The following SCN8A variants were observed in gnomAD, a reference collection of about 807,000 sequenced individuals.
SCN8A encodes sodium channel protein type 8 subunit alpha.
A neutral mutation model predicts 184.1 loss-of-function variants in SCN8A; 30 were observed. The observed-to-expected ratio is 0.16, with a 90% confidence interval of 0.12 to 0.22. The LOEUF (loss-of-function observed/expected upper bound fraction) is 0.22, where lower values mean the gene tolerates loss of function less well. Ranked by LOEUF, SCN8A falls within the 10% of genes least tolerant of loss-of-function variation. The pLI, the probability that SCN8A is intolerant of heterozygous loss-of-function variation, is 1.00. For missense variants in SCN8A, 1,057 were observed against 2,498.9 expected (o/e 0.42, Z 12.30); for synonymous variants, 852 against 907.0 (o/e 0.94, Z 1.09).
chr12:51,661,145 T>G (rs1057162346), intron 1 of SCN8A, among the ~76,000 whole-genome samples: 3 of 152,192 alleles, frequency 2.0e-5, no homozygotes, highest in Admixed American at 6.5e-5. Context: ...ATCCTGGCCC[T>G]GTGACTCAGG....
At chr12:51,690,765 T>C (rs1396975352) in intron 6 of SCN8A, among the ~76,000 whole-genome samples, 1 of 152,224 alleles carries the variant, frequency 6.6e-6, no homozygotes, top group Non-Finnish European at 1.5e-5. Context: ...TGTGGTTTAC[T>C]GAGAACCTCA....
At position 51,790,439 on chromosome 12, in the gene SCN8A, G is replaced by A; in HGVS notation, c.4461G>A (p.Lys1487=). The A allele has an allele frequency of 6.2e-7, 1 of 1,610,210 alleles. No homozygotes were observed. The highest frequency in any genetic ancestry group is 8.5e-7 in the Non-Finnish European group (1 of 1,178,594). The stretch of plus-strand genomic sequence containing the variant: ...TCTTCATGACCGAAGAACAGAAGAA[G>A]TACTACAATGCCATGAAAAAGCTGG... The part of the protein sequence containing the change: ...QDIFMTEEQK[K]YYNAMKKLGS... The change falls in exon 25 of 27, where the codon AAG becomes AAA. Residue 1487 remains lysine (K), a synonymous_variant. Transcript: ENST00000627620.
chr12:51,707,175 T>C (rs1941799118), intron 11 of SCN8A, among the ~76,000 whole-genome samples: 1 of 152,274 alleles, frequency 6.6e-6, no homozygotes, highest in Middle Eastern at 3.4e-3. Flanking sequence ...ACAATAAACA[T>C]GGGAGTGCAA....
At chr12:51,704,362 G>T (rs562585324) in intron 9 of SCN8A, among the ~76,000 whole-genome samples, 2 of 152,012 alleles carry the variant, frequency 1.3e-5, no homozygotes, top group African/African-American at 2.4e-5. Context: ...AATAAGGAAG[G>T]GTGTCACTCA....
intron 26 of SCN8A, among the ~76,000 whole-genome samples, chr12:51,802,279 G>C (rs1433584576): frequency 6.6e-6 from 1 of 152,172 alleles, no homozygotes; most frequent in Non-Finnish European, 1.5e-5. Flanking sequence ...AATGTGGAAA[G>C]GCTGGTGGCA....
chr12:51,637,777 A>T (rs1415860981), intron 1 of SCN8A, among the ~76,000 whole-genome samples: 1 of 152,216 alleles, frequency 6.6e-6, no homozygotes, highest in Non-Finnish European at 1.5e-5. Flanking sequence ...TATCCAGAAG[A>T]TCTAGCTAAG....
intron 1 of SCN8A, among the ~76,000 whole-genome samples, chr12:51,625,069 C>G (rs983470958): frequency 6.6e-6 from 1 of 152,156 alleles, no homozygotes; most frequent in African/African-American, 2.4e-5. Flanking sequence ...AAAGTTCACT[C>G]TTTGTAAGGT....
Position 51,812,382 on chromosome 12 carries a change from TG to T in SCN8A, c.*4957del. The T allele has an allele frequency of 6.3e-6, 1 of 158,104 alleles. No homozygotes were observed. Among genetic ancestry groups the T allele is most frequent in the Middle Eastern group, 3.2e-3 (1 of 316 alleles). The allele number at this position is 158,104 out of a possible 1,614,324, so 9.8% of individuals were successfully genotyped here. The stretch of plus-strand genomic sequence containing the variant: ...TGCCTCAGTTTCCCCATCTGTAAAA[TG>T]GGGATAATAATACTGACCTACCTCA... On this transcript the variant is annotated 3_prime_UTR_variant, in exon 27 of 27. Coordinates refer to ENST00000627620, the MANE Select transcript of SCN8A (RefSeq NM_001330260.2).
chr12:51,712,644 CA>C, intron 11 of SCN8A: 1 of 796,026 alleles, frequency 1.3e-6, no homozygotes. Context: ...TTACCACCGC[CA>C]AAATTTCCTC....
chr12:51,648,661 T>C (rs1022505080), intron 1 of SCN8A, among the ~76,000 whole-genome samples: 3 of 152,154 alleles, frequency 2.0e-5, no homozygotes, highest in African/African-American at 7.2e-5. Context: ...GTGAGACTTA[T>C]TCTCTACCAC....
At chr12:51,671,116 A>G (rs1012122481) in intron 2 of SCN8A, among the ~76,000 whole-genome samples, 8 of 152,198 alleles carry the variant, frequency 5.3e-5, no homozygotes, top group Admixed American at 3.9e-4. Context: ...GGTCTCTCAA[A>G]TATTCAGTAT....
intron 2 of SCN8A, among the ~76,000 whole-genome samples, chr12:51,679,631 T>C (rs1204922647): frequency 6.6e-6 from 1 of 152,136 alleles, no homozygotes; most frequent in Non-Finnish European, 1.5e-5. Context: ...ATATTACTTA[T>C]CTCTTTCTCG....
chr12:51,787,688 A>G (rs1938123950), intron 22 of SCN8A, among the ~76,000 whole-genome samples: 1 of 152,232 alleles, frequency 6.6e-6, no homozygotes, highest in South Asian at 2.1e-4. Flanking sequence ...TATTTTTGTT[A>G]CTATATTTCC....
intron 1 of SCN8A, among the ~76,000 whole-genome samples, chr12:51,642,915 C>T (rs763445732): frequency 6.6e-5 from 10 of 152,016 alleles, no homozygotes; most frequent in Non-Finnish European, 1.2e-4. Flanking sequence ...GCGATTGATT[C>T]AGCAAATGAA....
At chr12:51,741,793 C>T (rs1433883360) in intron 12 of SCN8A, among the ~76,000 whole-genome samples, 1 of 150,944 alleles carries the variant, frequency 6.6e-6, no homozygotes, top group Non-Finnish European at 1.5e-5. Context: ...TCACTGCAAC[C>T]TCCACCTCCT....
intron 2 of SCN8A, among the ~76,000 whole-genome samples, chr12:51,676,962 C>T (rs940754901): frequency 2.6e-5 from 4 of 152,134 alleles, no homozygotes; most frequent in African/African-American, 7.2e-5. Flanking sequence ...AAATATTTCT[C>T]GAAGAAGCTT....
chr12:51,665,359 C>A (rs1941012353), intron 2 of SCN8A, among the ~76,000 whole-genome samples: 1 of 152,194 alleles, frequency 6.6e-6, no homozygotes, highest in Non-Finnish European at 1.5e-5. Context: ...CTGACTTCAG[C>A]CTTCGGCTTC....
intron 1 of SCN8A, among the ~76,000 whole-genome samples, chr12:51,601,461 C>G (rs955580252): frequency 1.3e-5 from 2 of 148,268 alleles, no homozygotes; most frequent in Non-Finnish European, 3.0e-5. Flanking sequence ...TTTTTCCTGA[C>G]TCATGCAGGA....
intron 1 of SCN8A, among the ~76,000 whole-genome samples, chr12:51,629,711 A>T (rs1006077980): frequency 1.3e-5 from 2 of 151,854 alleles, no homozygotes; most frequent in African/African-American, 4.8e-5. Flanking sequence ...TCTTTGAGTG[A>T]TATTGTGATA....
Sources: allele counts gnomAD v4.1 joint callset (sites outside exome capture counted in the v4.1 genomes callset), GRCh38; gene constraint gnomAD v4.1.1; transcripts MANE v1.5; gene names NCBI Gene and HGNC (gene_info 2026-07-23, HGNC 2026-07-21).